ZMAT1: variants seen among roughly 807,000 people sequenced by gnomAD.
The protein encoded by ZMAT1 is zinc finger matrin-type protein 1.
In ZMAT1, 11 loss-of-function variants were observed where a neutral mutation model predicts 18.5. That is an observed-to-expected ratio of 0.59 (90% confidence interval 0.37 to 0.98). The LOEUF (loss-of-function observed/expected upper bound fraction) is 0.98. Among genes scored for constraint, ZMAT1 ranks in the 50% least tolerant of loss-of-function variants. ZMAT1 has a pLI of 0.01. For missense variants in ZMAT1, 525 were observed against 496.2 expected, an observed-to-expected ratio of 1.06 and a Z score of -0.55; for synonymous variants, 211 against 176.4, an observed-to-expected ratio of 1.20 and a Z score of -1.55.
At chrX:101,898,087 TTTGG>T (rs1927954208) in intron 3 of ZMAT1, 28 bp downstream of exon 3, 2 of 1,206,311 alleles carry the variant, frequency 1.7e-6, no homozygotes, top group Non-Finnish European at 1.1e-6. Context: ...TAACTCAAAG[TTTGG>T]ATTACAATAC....
intron 1 of ZMAT1, among the ~76,000 whole-genome samples, chrX:101,924,563 T>C (rs1354638409): frequency 9.0e-6 from 1 of 111,653 alleles, no homozygotes; most frequent in Non-Finnish European, 1.9e-5. Flanking sequence ...ACAAAAGCAA[T>C]GGGGAATAAG....
chrX:101,886,140 A>G (rs1312182988), intron 5 of ZMAT1, among the ~76,000 whole-genome samples: 1 of 112,180 alleles, frequency 8.9e-6, no homozygotes, highest in Non-Finnish European at 1.9e-5. Context: ...CAGGCACCTT[A>G]CACATATTAT....
chrX:101,929,013 G>A (rs769189482), intron 1 of ZMAT1, among the ~76,000 whole-genome samples: 1 of 110,553 alleles, frequency 9.0e-6, no homozygotes, highest in East Asian at 2.9e-4. Flanking sequence ...CTTTTCAGAT[G>A]GCATTTCTTT....
At chrX:101,904,153 G>T in intron 2 of ZMAT1, 71 bp downstream of exon 2, 2 of 707,125 alleles carry the variant, frequency 2.8e-6, no homozygotes, top group South Asian at 6.4e-5. Context: ...CAAGTAAGAT[G>T]ACTTACAGGA....
intron 1 of ZMAT1, among the ~76,000 whole-genome samples, chrX:101,914,821 C>G (rs1404232839): frequency 9.0e-6 from 1 of 111,694 alleles, no homozygotes; most frequent in African/African-American, 3.2e-5. Flanking sequence ...GGAAGCAATA[C>G]TTCCAAACTC....
At chrX:101,903,341 G>T (rs1488909912) in intron 2 of ZMAT1, among the ~76,000 whole-genome samples, 2 of 111,618 alleles carry the variant, frequency 1.8e-5, no homozygotes, top group Non-Finnish European at 3.8e-5. Flanking sequence ...GTCAATGGTG[G>T]AATTAAGACT....
chrX:101,900,733 T>C (rs1161942657), intron 2 of ZMAT1, among the ~76,000 whole-genome samples: 1 of 112,122 alleles, frequency 8.9e-6, no homozygotes, highest in Non-Finnish European at 1.9e-5. Flanking sequence ...AATCAGGTAG[T>C]GTGATGCCTC....
intron 1 of ZMAT1, among the ~76,000 whole-genome samples, chrX:101,929,809 A>G (rs1930368187): frequency 9.0e-6 from 1 of 111,589 alleles, no homozygotes; most frequent in South Asian, 3.7e-4. Flanking sequence ...AATGTGATGG[A>G]AAGACTATCA....
chrX:101,901,649 TCTTA>T (rs1267332144), intron 2 of ZMAT1, among the ~76,000 whole-genome samples: 1 of 111,625 alleles, frequency 9.0e-6, no homozygotes, highest in Non-Finnish European at 1.9e-5. Flanking sequence ...CCTCTCTCTC[TCTTA>T]AAGTTGGTGT....
intron 1 of ZMAT1, among the ~76,000 whole-genome samples, chrX:101,906,743 C>A (rs1011341402): frequency 9.0e-6 from 1 of 111,136 alleles, no homozygotes; most frequent in Non-Finnish European, 1.9e-5. Context: ...CTTGCACACC[C>A]AGCCTCCAGG....
Position 101,883,683 on chromosome X carries a change from C to T in ZMAT1, c.1915G>A (p.Glu639Lys). The stretch of plus-strand genomic sequence containing the variant: ...GAACTGACCTTGACTCTATCCTCCT[C>T]TCTTTTCCTTTGTCTGATGCTCTTG... Reference protein sequence around the residue: ...KDKSIRQRKREEDRVKVSSGK... With the variant: ...KDKSIRQRKRKEDRVKVSSGK... The change falls in exon 6 of 6, where the codon GAG becomes AAG. Residue 639 changes from glutamate to lysine, a missense_variant. Coordinates refer to ENST00000651725, the MANE Select transcript of ZMAT1 (RefSeq NM_001394560.1). The T allele has an allele frequency of 8.3e-7, 1 of 1,208,191 alleles. No homozygotes were observed.
chrX:101,923,458 C>T (rs1044082494), intron 1 of ZMAT1, among the ~76,000 whole-genome samples: 1 of 111,462 alleles, frequency 9.0e-6, no homozygotes, highest in Admixed American at 9.5e-5. Flanking sequence ...ACAGAGGACC[C>T]AAACACCTAG....
chrX:101,888,900 T>C (rs1460712648), intron 4 of ZMAT1: 2 of 111,341 alleles, frequency 1.8e-5, no homozygotes, highest in East Asian at 5.7e-4. Context: ...TATTTCAGAG[T>C]TTTTACATAT....
At chrX:101,929,372 A>G (rs1403085550) in intron 1 of ZMAT1, among the ~76,000 whole-genome samples, 1 of 102,063 alleles carries the variant, frequency 9.8e-6, no homozygotes, top group African/African-American at 3.5e-5. Context: ...TGCCATCATA[A>G]TTGACAACCA....
At position 101,882,431 on chromosome X, in the gene ZMAT1, G is replaced by T. The variant is rs1926539257; in HGVS notation, c.*1079C>A. On this transcript the variant is annotated 3_prime_UTR_variant, in exon 6 of 6. Coordinates refer to ENST00000651725, the MANE Select transcript of ZMAT1 (RefSeq NM_001394560.1). ...TTTTCCACTTTCAGAACTAGAAAAT[G>T]CAAAAATACACTGCAAATTAGATTT... 1 of 111,666 alleles carries T rather than the reference G, an allele frequency of 9.0e-6. No homozygotes were observed. The highest frequency in any genetic ancestry group is 1.9e-5 in the Non-Finnish European group (1 of 52,928). 9.2% of individuals were successfully genotyped at this position (111,666 alleles called of 1,213,427 possible).
At chrX:101,926,724 A>G (rs1326775175) in intron 1 of ZMAT1, among the ~76,000 whole-genome samples, 1 of 112,379 alleles carries the variant, frequency 8.9e-6, no homozygotes, top group Non-Finnish European at 1.9e-5. Context: ...TATTTTAGAT[A>G]TAACTGGCTA....
intron 2 of ZMAT1, among the ~76,000 whole-genome samples, chrX:101,903,027 G>C (rs1414903438): frequency 4.5e-5 from 5 of 111,396 alleles, no homozygotes; most frequent in Admixed American, 2.9e-4. Context: ...CTATTTTCTT[G>C]TATTTTTGCC....
intron 1 of ZMAT1, among the ~76,000 whole-genome samples, chrX:101,921,708 C>T (rs1040751099): frequency 2.7e-5 from 3 of 111,547 alleles, no homozygotes; most frequent in Non-Finnish European, 5.6e-5. Flanking sequence ...GGAATATATA[C>T]GGAAGCAAAA....
chrX:101,904,971 CCAAA>C (rs749919500), intron 1 of ZMAT1, among the ~76,000 whole-genome samples: 5 of 111,207 alleles, frequency 4.5e-5, no homozygotes, highest in East Asian at 2.8e-4. Flanking sequence ...TGAAAACCAA[CCAAA>C]CAAACAAAAA....
Sources: allele counts gnomAD v4.1 joint callset (sites outside exome capture counted in the v4.1 genomes callset), GRCh38; gene constraint gnomAD v4.1.1; transcripts MANE v1.5; gene names NCBI Gene and HGNC (gene_info 2026-07-23, HGNC 2026-07-21).